Variants in ENOPH1 observed in about 807,000 individuals in gnomAD.
ENOPH1 encodes the protein enolase-phosphatase 1, also known as enolase-phosphatase E1.
Under a neutral mutation model 31.1 loss-of-function variants are expected in ENOPH1, and 14 were observed. The observed-to-expected ratio is 0.45, with a 90% CI of 0.30 to 0.70. The LOEUF (loss-of-function observed/expected upper bound fraction) is 0.70. ENOPH1 is among the 30% of genes least tolerant of loss of function. The pLI, the probability that ENOPH1 is intolerant of heterozygous loss-of-function variation, is 0.09. For synonymous variants in ENOPH1, 127 were observed against 123.2 expected, an observed-to-expected ratio of 1.03 and a Z score of -0.21; for missense variants, 243 against 321.5, an observed-to-expected ratio of 0.76 and a Z score of 1.87.
At chr4:82,447,194 C>T (rs555630233) in intron 1 of ENOPH1, among the ~76,000 whole-genome samples, 2 of 152,120 alleles carry the variant, frequency 1.3e-5, no homozygotes, top group South Asian at 4.2e-4. Context: ...CCATGTTGGC[C>T]AGGCTGGTCT....
At chr4:82,439,051 C>T (rs59265670) in intron 1 of ENOPH1, among the ~76,000 whole-genome samples, 152 of 152,246 alleles carry the variant, frequency 1.0e-3, no homozygotes, top group African/African-American at 3.0e-3. Flanking sequence ...ACTAAAGAGT[C>T]GTGTGGAAAG....
intron 2 of ENOPH1, among the ~76,000 whole-genome samples, chr4:82,449,115 C>T (rs1304345677): frequency 6.8e-6 from 1 of 146,108 alleles, no homozygotes; most frequent in Non-Finnish European, 1.5e-5. Flanking sequence ...TGGCGGGCAC[C>T]TGTAGTCACA....
intron 1 of ENOPH1, among the ~76,000 whole-genome samples, chr4:82,438,834 T>A (rs1721971847): frequency 6.6e-6 from 1 of 151,688 alleles, no homozygotes; most frequent in Non-Finnish European, 1.5e-5. Context: ...AAATTTTCTA[T>A]CCTTGCAGCT....
intron 1 of ENOPH1, among the ~76,000 whole-genome samples, chr4:82,432,148 T>C (rs1262115981): frequency 2.0e-5 from 3 of 152,178 alleles, no homozygotes; most frequent in East Asian, 3.8e-4. Context: ...ATTCTTGGCC[T>C]CCCAAAGTGC....
chr4:82,459,148 C>T (rs3796471), intron 5 of ENOPH1, among the ~76,000 whole-genome samples: 4 of 152,186 alleles, frequency 2.6e-5, no homozygotes, highest in Non-Finnish European at 5.9e-5. Context: ...AGCGCCATCT[C>T]TCTTATCACA....
chr4:82,452,719 G>A (rs1015773358), intron 3 of ENOPH1, among the ~76,000 whole-genome samples: 5 of 150,902 alleles, frequency 3.3e-5, no homozygotes, highest in Non-Finnish European at 7.4e-5. Flanking sequence ...CCCAAACAGC[G>A]GGGACTACAG....
At chr4:82,431,730 C>T (rs1384037068) in intron 1 of ENOPH1, among the ~76,000 whole-genome samples, 1 of 151,930 alleles carries the variant, frequency 6.6e-6, no homozygotes, top group African/African-American at 2.4e-5. Flanking sequence ...TATTTGGCTC[C>T]CTGAGGTTTA....
intron 1 of ENOPH1, among the ~76,000 whole-genome samples, chr4:82,438,999 C>T (rs78733195): frequency 0.04 from 6,120 of 152,154 alleles, 422 homozygotes; most frequent in African/African-American, 0.14. Context: ...GAGTGGAAAC[C>T]AACCTGCCCT....
intron 1 of ENOPH1, among the ~76,000 whole-genome samples, chr4:82,431,534 C>T (rs1367708442): frequency 6.6e-6 from 1 of 152,196 alleles, no homozygotes; most frequent in Non-Finnish European, 1.5e-5. Context: ...TCACTTTCCT[C>T]AGAAAACCAC....
At chr4:82,433,477 TATA>T (rs1721828806) in intron 1 of ENOPH1, among the ~76,000 whole-genome samples, 2 of 152,240 alleles carry the variant, frequency 1.3e-5, no homozygotes, top group African/African-American at 2.4e-5. Context: ...TGCCCTGTCC[TATA>T]ATAATATCTA....
chr4:82,443,272 A>G (rs1279692073), intron 1 of ENOPH1, among the ~76,000 whole-genome samples: 1 of 151,590 alleles, frequency 6.6e-6, no homozygotes, highest in Non-Finnish European at 1.5e-5. Flanking sequence ...CCCCATCTCT[A>G]CTAAAAATTC....
intron 1 of ENOPH1, among the ~76,000 whole-genome samples, chr4:82,442,821 GTTAATT>G (rs1055103932): frequency 2.6e-5 from 4 of 152,138 alleles, no homozygotes; most frequent in Non-Finnish European, 5.9e-5. Flanking sequence ...CATCAAGCCA[GTTAATT>G]TTGTTTGTTG....
At chr4:82,448,649 C>T (rs1195455030) in intron 2 of ENOPH1, among the ~76,000 whole-genome samples, 1 of 150,808 alleles carries the variant, frequency 6.6e-6, no homozygotes. Context: ...AGGCTGGGCA[C>T]GGTGGCTCAC....
At chr4:82,433,257 C>A (rs1553901676) in intron 1 of ENOPH1, among the ~76,000 whole-genome samples, 1 of 152,156 alleles carries the variant, frequency 6.6e-6, no homozygotes. Flanking sequence ...CCTCCCCCAC[C>A]TTTTTCCCCA....
chr4:82,443,095 G>A (rs1354496553), intron 1 of ENOPH1, among the ~76,000 whole-genome samples: 3 of 149,696 alleles, frequency 2.0e-5, no homozygotes, highest in South Asian at 2.3e-4. Flanking sequence ...CGGAGCCACC[G>A]CGCCCGGGCG....
chr4:82,435,388 G>A (rs1423784261), intron 1 of ENOPH1, among the ~76,000 whole-genome samples: 1 of 152,202 alleles, frequency 6.6e-6, no homozygotes, highest in Non-Finnish European at 1.5e-5. Context: ...ATAGGCATGT[G>A]CCACCATGTC....
chr4:82,452,796 A>G (rs978816880), intron 3 of ENOPH1, among the ~76,000 whole-genome samples: 1 of 151,724 alleles, frequency 6.6e-6, no homozygotes, highest in Admixed American at 6.6e-5. Context: ...CATGTTGTCC[A>G]GGCTGGTCTT....
chr4:82,456,861 GA>G, intron 4 of ENOPH1, 53 bp from the exon 5 acceptor site: 1 of 1,596,346 alleles, frequency 6.3e-7, no homozygotes. Flanking sequence ...AGAAAGGCAT[GA>G]GGGGCATGCA....
chr4:82,450,518 T>C (rs1056643215), intron 2 of ENOPH1, among the ~76,000 whole-genome samples: 3 of 152,218 alleles, frequency 2.0e-5, no homozygotes, highest in Admixed American at 2.0e-4. Flanking sequence ...CTTTAGAAAT[T>C]GGACTGCTTT....
Sources: allele counts gnomAD v4.1 joint callset (sites outside exome capture counted in the v4.1 genomes callset), GRCh38; gene constraint gnomAD v4.1.1; transcripts MANE v1.5; gene names NCBI Gene and HGNC (gene_info 2026-07-23, HGNC 2026-07-21).